Variants in SKIC2 observed in about 807,000 individuals in gnomAD.
The protein encoded by SKIC2 is superkiller complex protein 2.
chr6:31,966,928 G>A, the SKIC2 span: 2 of 1,613,234 alleles, frequency 1.2e-6, no homozygotes, highest in Non-Finnish European at 1.7e-6. The surrounding 1 kb of genome is among the most constrained non-coding windows in gnomAD (Gnocchi z 5.9). Context: ...CCAGAGGCCA[G>A]TGTGTTGAGG....
chr6:31,962,767 T>TTGA, the SKIC2 span: 1 of 1,612,584 alleles, frequency 6.2e-7, no homozygotes, highest in Non-Finnish European at 8.5e-7. This position sits in a 1 kb window ranked among gnomAD's most constrained non-coding sequence, Gnocchi z 5.0. Flanking sequence ...TGGGTCATCT[T>TTGA]TGATGAGGTT....
the SKIC2 span, chr6:31,969,261 C>T: frequency 1.9e-6 from 3 of 1,613,544 alleles, no homozygotes; most frequent in Non-Finnish European, 2.5e-6. This position sits in a 1 kb window ranked among gnomAD's most constrained non-coding sequence, Gnocchi z 6.1. Context: ...AGGCCTTAAC[C>T]TCTCCTTCTT....
chr6:31,961,804 T>G, the SKIC2 span: 1 of 1,549,386 alleles, frequency 6.5e-7, no homozygotes, highest in South Asian at 1.1e-5. Context: ...AGTCCCAGCC[T>G]CGGCTGGCTC....
the SKIC2 span, chr6:31,959,733 CT>C: frequency 1.8e-6 from 1 of 549,110 alleles, no homozygotes; most frequent in Non-Finnish European, 3.2e-6. Context: ...TCTGGGACCC[CT>C]TTTTCTAAAA....
the SKIC2 span, chr6:31,962,174 G>A: frequency 9.2e-7 from 1 of 1,084,576 alleles, no homozygotes; most frequent in African/African-American, 1.6e-5. This position sits in a 1 kb window ranked among gnomAD's most constrained non-coding sequence, Gnocchi z 5.0. Flanking sequence ...GAGGTTCAGG[G>A]CTAAGACTGA....
the SKIC2 span, chr6:31,963,440 G>T: frequency 6.2e-7 from 1 of 1,608,266 alleles, no homozygotes. This position sits in a 1 kb window ranked among gnomAD's most constrained non-coding sequence, Gnocchi z 5.3. Context: ...AGATCTATGT[G>T]ATTAGCACTG....
the SKIC2 span, chr6:31,969,401 A>G: frequency 6.2e-7 from 1 of 1,614,128 alleles, no homozygotes; most frequent in Non-Finnish European, 8.5e-7. This position sits in a 1 kb window ranked among gnomAD's most constrained non-coding sequence, Gnocchi z 6.1. Flanking sequence ...GAGGTTGTAT[A>G]TGAGTGGGCC....
chr6:31,965,997 T>C, the SKIC2 span: 1 of 1,597,014 alleles, frequency 6.3e-7, no homozygotes, highest in Non-Finnish European at 8.6e-7. This position sits in a 1 kb window ranked among gnomAD's most constrained non-coding sequence, Gnocchi z 5.6. Flanking sequence ...ATGGCAGACC[T>C]GCACCGCATG....
the SKIC2 span, chr6:31,968,347 G>T: frequency 3.7e-6 from 6 of 1,612,834 alleles, no homozygotes; most frequent in Admixed American, 3.3e-5. This position sits in a 1 kb window ranked among gnomAD's most constrained non-coding sequence, Gnocchi z 6.1. Flanking sequence ...TCCCCTTGCA[G>T]CCGTGACCAC....
chr6:31,969,596 C>T, the SKIC2 span: 375 of 1,613,360 alleles, frequency 2.3e-4, no homozygotes, highest in Admixed American at 4.3e-4. The surrounding 1 kb of genome is among the most constrained non-coding windows in gnomAD (Gnocchi z 6.1). Context: ...TGAGATGTGT[C>T]GCTCACTGCG....
chr6:31,963,755 T>G, the SKIC2 span: 1 of 1,535,580 alleles, frequency 6.5e-7, no homozygotes, highest in Non-Finnish European at 8.8e-7. The surrounding 1 kb of genome is among the most constrained non-coding windows in gnomAD (Gnocchi z 5.3). Context: ...GAGGGTTTTG[T>G]ACCTGCCAGC....
chr6:31,959,759 A>G, the SKIC2 span: 51 of 560,024 alleles, frequency 9.1e-5, no homozygotes, highest in African/African-American at 9.4e-4. Context: ...TGAGTCTCCA[A>G]TTTCAGTGTG....
the SKIC2 span, chr6:31,968,878 G>A: frequency 2.5e-5 from 40 of 1,612,720 alleles, no homozygotes; most frequent in African/African-American, 4.0e-5. This position sits in a 1 kb window ranked among gnomAD's most constrained non-coding sequence, Gnocchi z 6.1. Flanking sequence ...CAGGTGCTCC[G>A]AACCCTGGGT....
chr6:31,968,233 G>A, the SKIC2 span: 1 of 1,425,038 alleles, frequency 7.0e-7, no homozygotes, highest in Non-Finnish European at 9.8e-7. This position sits in a 1 kb window ranked among gnomAD's most constrained non-coding sequence, Gnocchi z 6.1. Context: ...AGACTGTGAA[G>A]TGGAGGTTGT....
At chr6:31,969,276 G>A in the SKIC2 span, 16 of 1,613,970 alleles carry the variant, frequency 9.9e-6, no homozygotes, top group Non-Finnish European at 1.3e-5. This position sits in a 1 kb window ranked among gnomAD's most constrained non-coding sequence, Gnocchi z 6.1. Flanking sequence ...CTTCTTTCCT[G>A]CAGGGAATAG....
the SKIC2 span, chr6:31,962,721 C>T: frequency 6.2e-7 from 1 of 1,612,662 alleles, no homozygotes; most frequent in Non-Finnish European, 8.5e-7. This position sits in a 1 kb window ranked among gnomAD's most constrained non-coding sequence, Gnocchi z 5.0. Context: ...CAGCTCCATG[C>T]TGTACAGTGG....
the SKIC2 span, chr6:31,968,245 G>GT: frequency 2.8e-6 from 4 of 1,443,570 alleles, no homozygotes; most frequent in Admixed American, 6.9e-5. The surrounding 1 kb of genome is among the most constrained non-coding windows in gnomAD (Gnocchi z 6.1). Flanking sequence ...GGAGGTTGTA[G>GT]TAAGAGGGCT....
chr6:31,962,390 G>A, the SKIC2 span: 11 of 1,605,392 alleles, frequency 6.9e-6, no homozygotes, highest in Non-Finnish European at 9.4e-6. This position sits in a 1 kb window ranked among gnomAD's most constrained non-coding sequence, Gnocchi z 5.0. Flanking sequence ...GAGGAAGTGC[G>A]GGCCATGAGT....
At chr6:31,961,294 C>T in the SKIC2 span, 3 of 1,606,756 alleles carry the variant, frequency 1.9e-6, no homozygotes, top group Non-Finnish European at 1.7e-6. Context: ...GGCAGTGGGA[C>T]AGCCAGGAGG....
Sources: allele counts gnomAD v4.1 joint callset, GRCh38; gene constraint gnomAD v4.1.1; non-coding constraint Gnocchi (gnomAD v3.1); transcripts MANE v1.5; gene names NCBI Gene and HGNC (gene_info 2026-07-23, HGNC 2026-07-21).